Variants in PTCD2 observed in about 807,000 individuals in gnomAD.
PTCD2 encodes the protein pentatricopeptide repeat-containing protein 2, mitochondrial.
In PTCD2, 31 loss-of-function variants were observed where a neutral mutation model predicts 42.6. The observed-to-expected ratio is 0.73, with a 90% CI of 0.55 to 0.98. The LOEUF (loss-of-function observed/expected upper bound fraction) is 0.98. Ranked by LOEUF, PTCD2 falls within the 50% of genes least tolerant of loss-of-function variation. The probability of loss-of-function intolerance (pLI) is 0.00; values close to 1 mark genes in which losing one functional copy is unlikely to be tolerated. For synonymous variants in PTCD2, 183 were observed against 170.9 expected, an observed-to-expected ratio of 1.07 and a Z score of -0.55; for missense variants, 476 against 454.8, an observed-to-expected ratio of 1.05 and a Z score of -0.42.
rs1449957778 is a variant in PTCD2 at position 72,361,329 on chromosome 5, A to G, written c.*2902A>G. On this transcript the variant is annotated 3_prime_UTR_variant, in exon 10 of 10. Coordinates refer to ENST00000380639, the MANE Select transcript of PTCD2 (RefSeq NM_024754.5). ...TTCGGGTTCTCATGCAGTTATAGTCATCATCAGATTGTGGCCGCGACTGGC... is the reference window on the plus strand; with the variant it reads ...TTCGGGTTCTCATGCAGTTATAGTCGTCATCAGATTGTGGCCGCGACTGGC... 1 of 152,172 alleles carries G rather than the reference A, an allele frequency of 6.6e-6. No homozygotes were observed. The highest frequency in any genetic ancestry group is 6.5e-5 in the Admixed American group (1 of 15,276). The allele number at this position is 152,172 out of a possible 1,614,324, so 9.4% of individuals were successfully genotyped here.
At position 72,338,688 on chromosome 5, in the gene PTCD2, C is replaced by A; in HGVS notation, c.706C>A (p.Leu236Ile). 1 of 1,613,102 alleles carries A rather than the reference C, an allele frequency of 6.2e-7. No homozygotes were observed. The highest frequency in any genetic ancestry group is 1.1e-5 in the South Asian group (1 of 91,022). ...REEALLKGEI[L>I]SRRASCFAVA... is the part of the protein sequence containing the mutation. ...AGAAGCTCTACTCAAAGGAGAAATTCTCTCCAGGAGAGCATCCTGTTTCGC... is the reference window on the plus strand; with the variant it reads ...AGAAGCTCTACTCAAAGGAGAAATTATCTCCAGGAGAGCATCCTGTTTCGC... Residue 236 changes from leucine (L) to isoleucine (I), a missense_variant, in exon 7 of 10, where the codon CTC (leucine) becomes ATC (isoleucine). Transcript: ENST00000380639.
At chr5:72,338,150 G>A (rs1381901761) in intron 6 of PTCD2, among the ~76,000 whole-genome samples, 1 of 152,130 alleles carries the variant, frequency 6.6e-6, no homozygotes, top group African/African-American at 2.4e-5. Context: ...GTTTTCATGG[G>A]ATTCTTTTAT....
At chr5:72,330,744 GC>G (rs1186975037) in intron 3 of PTCD2, among the ~76,000 whole-genome samples, 29 of 152,302 alleles carry the variant, frequency 1.9e-4, no homozygotes, top group Admixed American at 8.5e-4. Flanking sequence ...GGTGATCATA[GC>G]CCAGGTGTAC....
At chr5:72,326,830 C>A in intron 3 of PTCD2, 89 bp downstream of exon 3, 2 of 1,344,444 alleles carry the variant, frequency 1.5e-6, no homozygotes, top group Non-Finnish European at 2.1e-6. Flanking sequence ...GAAGTTGTTG[C>A]CACCTCTATA....
intron 4 of PTCD2, among the ~76,000 whole-genome samples, chr5:72,332,211 C>T (rs929432390): frequency 1.3e-5 from 2 of 152,186 alleles, no homozygotes; most frequent in African/African-American, 4.8e-5. Context: ...CTGCCTCTTA[C>T]TCTTTTTTTA....
chr5:72,350,109 C>T (rs1310629288), intron 8 of PTCD2, among the ~76,000 whole-genome samples: 1 of 152,150 alleles, frequency 6.6e-6, no homozygotes, highest in African/African-American at 2.4e-5. Context: ...CTGCATTGAA[C>T]AAGGTAGACT....
intron 6 of PTCD2, 108 bp downstream of exon 6, chr5:72,335,993 C>T: frequency 1.6e-6 from 1 of 635,400 alleles, no homozygotes; most frequent in Non-Finnish European, 2.7e-6. Flanking sequence ...TGTTTTCCAT[C>T]TGGTGCAAAT....
chr5:72,327,344 A>G (rs953922944), intron 3 of PTCD2, among the ~76,000 whole-genome samples: 4 of 152,242 alleles, frequency 2.6e-5, no homozygotes, highest in Non-Finnish European at 4.4e-5. Context: ...AAGAACTCGC[A>G]TGTAAGCATA....
intron 3 of PTCD2, among the ~76,000 whole-genome samples, chr5:72,330,627 C>T (rs963654883): frequency 2.0e-4 from 31 of 152,224 alleles, no homozygotes. Flanking sequence ...GACTGGCAGA[C>T]TGGCTGCCTG....
rs1458110878 is a variant in PTCD2, at chr5:72,338,619, C to G, written c.640-3C>G. 2 of 1,515,248 alleles carry G rather than the reference C, an allele frequency of 1.3e-6. No homozygotes were observed. The highest frequency in any genetic ancestry group is 2.3e-5 in the South Asian group (2 of 86,664). 93.9% of individuals were successfully genotyped at this position (1,515,248 alleles called of 1,614,324 possible). On this transcript the variant is annotated splice_polypyrimidine_tract_variant and splice_region_variant and intron_variant, in intron 6 of 9. Coordinates refer to ENST00000380639, the MANE Select transcript of PTCD2 (RefSeq NM_024754.5). ...TTAATCGAACAATCCTGTCTCCTCACAGAATAGCCCTGAGTCTTTCAAAAT... is the reference window on the plus strand; with the variant it reads ...TTAATCGAACAATCCTGTCTCCTCAGAGAATAGCCCTGAGTCTTTCAAAAT...
intron 7 of PTCD2, among the ~76,000 whole-genome samples, chr5:72,341,291 G>A (rs1005287984): frequency 2.0e-5 from 3 of 151,996 alleles, no homozygotes; most frequent in African/African-American, 4.8e-5. Context: ...TGATCTGCCC[G>A]CCACAGCCTC....
At chr5:72,350,230 T>G (rs1426420434) in intron 8 of PTCD2, among the ~76,000 whole-genome samples, 1 of 152,218 alleles carries the variant, frequency 6.6e-6, no homozygotes, top group Non-Finnish European at 1.5e-5. Context: ...TGTAAGCTAA[T>G]GAGTTAGCCT....
chr5:72,331,158 C>T, intron 3 of PTCD2, 100 bp from the exon 4 acceptor site: 6 of 763,638 alleles, frequency 7.9e-6, no homozygotes, highest in Non-Finnish European at 1.4e-5. Context: ...ACTTCGTTCT[C>T]TGTTGTGTCC....
At chr5:72,351,870 C>T (rs1412643160) in intron 8 of PTCD2, among the ~76,000 whole-genome samples, 2 of 152,146 alleles carry the variant, frequency 1.3e-5, no homozygotes, top group Non-Finnish European at 2.9e-5. Flanking sequence ...GTCATATCCT[C>T]TGAATCTAGA....
At chr5:72,329,207 C>T (rs1201239449) in intron 3 of PTCD2, among the ~76,000 whole-genome samples, 1 of 152,166 alleles carries the variant, frequency 6.6e-6, no homozygotes, top group Non-Finnish European at 1.5e-5. Context: ...AATCTCTACC[C>T]AGTTGCTGAC....
At chr5:72,322,127 A>G (rs762943806) in intron 1 of PTCD2, 45 bp from the exon 2 acceptor site, 6 of 1,037,054 alleles carry the variant, frequency 5.8e-6, no homozygotes, top group South Asian at 1.3e-5. Flanking sequence ...GCTAACTTCT[A>G]AAACAGTCAA....
intron 2 of PTCD2, among the ~76,000 whole-genome samples, chr5:72,324,308 C>A (rs185560369): frequency 1.3e-5 from 2 of 152,162 alleles, no homozygotes; most frequent in African/African-American, 2.4e-5. Flanking sequence ...TCCTGTCAAC[C>A]TTTCATCATT....
intron 2 of PTCD2, among the ~76,000 whole-genome samples, chr5:72,326,207 G>A (rs1408512774): frequency 1.3e-5 from 2 of 152,182 alleles, no homozygotes; most frequent in African/African-American, 2.4e-5. Context: ...GCCAGTTGAC[G>A]GTTTGGGTGT....
chr5:72,331,403 C>A, intron 4 of PTCD2, 28 bp downstream of exon 4: 1 of 1,442,502 alleles, frequency 6.9e-7, no homozygotes. Flanking sequence ...GTTTTCTCTG[C>A]CAATGTGTGT....
Sources: allele counts gnomAD v4.1 joint callset (sites outside exome capture counted in the v4.1 genomes callset), GRCh38; gene constraint gnomAD v4.1.1; transcripts MANE v1.5; gene names NCBI Gene and HGNC (gene_info 2026-07-23, HGNC 2026-07-21).